Variants in TRMT11 observed in about 807,000 individuals in gnomAD.
TRMT11 encodes the protein tRNA (guanine(10)-N(2))-methyltransferase TRMT11.
A neutral mutation model predicts 62.8 loss-of-function variants in TRMT11; 53 were observed. The observed-to-expected ratio is 0.84, with a 90% CI of 0.68 to 1.06. The LOEUF is 1.06. Ranked by LOEUF, TRMT11 falls within the 50% of genes least tolerant of loss-of-function variation. The pLI, the probability that TRMT11 is intolerant of heterozygous loss-of-function variation, is 0.00. For missense variants in TRMT11, 556 were observed against 553.4 expected, an observed-to-expected ratio of 1.00 and a Z score of -0.05; for synonymous variants, 188 against 190.3, an observed-to-expected ratio of 0.99 and a Z score of 0.10.
At chr6:126,077,619 C>T (rs369596167) in intron 17 of TRMT11, among the ~76,000 whole-genome samples, 21 of 152,302 alleles carry the variant, frequency 1.4e-4, no homozygotes, top group African/African-American at 3.8e-4. Flanking sequence ...TGAGCCACCA[C>T]GCCCAGACAA....
At chr6:126,052,225 A>G (rs1181149440) in intron 16 of TRMT11, among the ~76,000 whole-genome samples, 1 of 152,172 alleles carries the variant, frequency 6.6e-6, no homozygotes, top group Non-Finnish European at 1.5e-5. Context: ...GCTACATTGT[A>G]GAGTTAGGAT....
chr6:126,188,720 C>T (rs1778556164), intron 1 of TRMT11, among the ~76,000 whole-genome samples: 1 of 152,106 alleles, frequency 6.6e-6, no homozygotes, highest in South Asian at 2.1e-4. Context: ...AAATTAAAGC[C>T]TTGTTAAGTC....
At chr6:126,159,392 C>A (rs1367192435) in intron 21 of TRMT11, among the ~76,000 whole-genome samples, 1 of 152,080 alleles carries the variant, frequency 6.6e-6, no homozygotes, top group Non-Finnish European at 1.5e-5. Context: ...AATGCGTAAA[C>A]AAATATGTAT....
rs117629605 is a variant in TRMT11 at position 125,994,978 on chromosome 6, G to A, written c.139-989G>A. On this transcript the variant is annotated intron_variant, in intron 2 of 12. Transcript: ENST00000334379. ...AAACAACACACACTGGAGCCTGTTG[G>A]GGGTGGTGGAGTCTGGTGAAGGAGA... Among the ~76,000 whole-genome samples the A allele has an allele frequency of 3.7e-3, 559 of 152,254 alleles. 2 individuals carry two copies. Among genetic ancestry groups the A allele is most frequent in the Non-Finnish European group, 6.0e-3 (407 of 68,016 alleles).
intron 7 of TRMT11, among the ~76,000 whole-genome samples, chr6:126,006,490 T>A (rs1426252300): frequency 1.3e-5 from 2 of 151,966 alleles, no homozygotes; most frequent in African/African-American, 4.8e-5. Flanking sequence ...AATGAGAAAT[T>A]GAAACACCGA....
At chr6:126,114,440 G>A (rs1777565852) in intron 18 of TRMT11, among the ~76,000 whole-genome samples, 1 of 152,104 alleles carries the variant, frequency 6.6e-6, no homozygotes, top group Non-Finnish European at 1.5e-5. Flanking sequence ...CTGATTGGAT[G>A]ATGAGATGCC....
chr6:126,045,302 G>T (rs1362471384), intron 16 of TRMT11, among the ~76,000 whole-genome samples: 1 of 152,104 alleles, frequency 6.6e-6, no homozygotes, highest in African/African-American at 2.4e-5. Context: ...AATATGTCAG[G>T]CGCTTGCAAT....
chr6:126,053,845 G>A lies in TRMT11; in HGVS notation c.*1437+655G>A, dbSNP rs1776288653. Among the ~76,000 whole-genome samples, 3 of 152,330 alleles carry A rather than the reference G, an allele frequency of 2.0e-5. No homozygotes were observed. The South Asian group carries it at 6.2e-4, about 32-fold the overall frequency. Reference sequence around the variant, plus strand: ...GAGGACTGGATCAAGGAAGAAGCCTGAGAGATGACATCTAAGTTAACCCCT... The same window carrying A: ...GAGGACTGGATCAAGGAAGAAGCCTAAGAGATGACATCTAAGTTAACCCCT... On this transcript the variant is annotated intron_variant and NMD_transcript_variant, in intron 17 of 22. Coordinates refer to the TRMT11 transcript ENST00000648977.
At chr6:126,223,249 A>T in the TRMT11 span, among the ~76,000 whole-genome samples, 4 of 151,996 alleles carry the variant, frequency 2.6e-5, no homozygotes, top group Non-Finnish European at 5.9e-5. Flanking sequence ...GTGAAACCTC[A>T]TCTCTACTAA....
At chr6:126,160,411 A>G (rs1427036947) in intron 21 of TRMT11, among the ~76,000 whole-genome samples, 1 of 151,898 alleles carries the variant, frequency 6.6e-6, no homozygotes, top group Admixed American at 6.6e-5. Flanking sequence ...TTCAAAAAAT[A>G]TATTTACGTG....
downstream of TRMT11, among the ~76,000 whole-genome samples, chr6:126,042,675 C>G (rs922984797): frequency 6.6e-6 from 1 of 152,178 alleles, no homozygotes; most frequent in African/African-American, 2.4e-5. Flanking sequence ...TCAAGCTTCC[C>G]TGGCTCTCTC....
intron 17 of TRMT11, among the ~76,000 whole-genome samples, chr6:126,107,823 C>T (rs1562324523): frequency 1.3e-5 from 2 of 152,266 alleles, no homozygotes; most frequent in East Asian, 3.9e-4. Context: ...ATTGTCAGGT[C>T]AGCATGCAGG....
intron 17 of TRMT11, among the ~76,000 whole-genome samples, chr6:126,056,270 TA>T (rs1355835126): frequency 6.6e-6 from 1 of 152,206 alleles, no homozygotes; most frequent in African/African-American, 2.4e-5. Flanking sequence ...ACACAGAGCC[TA>T]AAACTAAATC....
At chr6:126,078,023 G>A (rs1036992546) in intron 17 of TRMT11, among the ~76,000 whole-genome samples, 12 of 152,154 alleles carry the variant, frequency 7.9e-5, no homozygotes, top group African/African-American at 2.9e-4. Flanking sequence ...CTGTGCTAAT[G>A]CATCACCCCA....
At chr6:126,032,871 A>G (rs1360980200) in intron 12 of TRMT11, among the ~76,000 whole-genome samples, 15 of 152,202 alleles carry the variant, frequency 9.9e-5, no homozygotes, top group Non-Finnish European at 1.2e-4. Context: ...TGGTATTTAA[A>G]TCATCCATTT....
chr6:126,101,509 C>G (rs1301207196), intron 17 of TRMT11, among the ~76,000 whole-genome samples: 2 of 152,064 alleles, frequency 1.3e-5, no homozygotes, highest in Non-Finnish European at 2.9e-5. Flanking sequence ...TGCAGTTTGC[C>G]CAAGGACACA....
chr6:126,173,428 G>C (rs139495256), upstream of TRMT11, among the ~76,000 whole-genome samples: 1 of 152,242 alleles, frequency 6.6e-6, no homozygotes, highest in East Asian at 1.9e-4. Context: ...CTCTGAACAT[G>C]AGAGGAATGA....
At chr6:126,093,585 GTATATA>G (rs56176946) in intron 17 of TRMT11, among the ~76,000 whole-genome samples, 6,899 of 46,524 alleles carry the variant, frequency 0.15, 512 homozygotes, top group East Asian at 0.33. Context: ...GGATATGTAT[GTATATA>G]TATATATATA....
chr6:126,032,369 G>T (rs1011257929), intron 12 of TRMT11, among the ~76,000 whole-genome samples: 5 of 152,130 alleles, frequency 3.3e-5, no homozygotes, highest in African/African-American at 1.2e-4. Context: ...CTTCTGGCCT[G>T]TCCAGTCTCA....
Sources: allele counts gnomAD v4.1 joint callset (sites outside exome capture counted in the v4.1 genomes callset), GRCh38; gene constraint gnomAD v4.1.1; transcripts MANE v1.5; gene names NCBI Gene and HGNC (gene_info 2026-07-23, HGNC 2026-07-21).